CPSF6: variants seen among roughly 807,000 people sequenced by gnomAD.
CPSF6 encodes cleavage and polyadenylation specificity factor subunit 6.
A neutral mutation model predicts 56.7 loss-of-function variants in CPSF6; 10 were observed. The observed-to-expected ratio is 0.18, with a 90% CI of 0.11 to 0.30. CPSF6 has a LOEUF of 0.30. Among genes scored for constraint, CPSF6 ranks in the 10% least tolerant of loss-of-function variants. The probability of loss-of-function intolerance (pLI) is 1.00; values close to 1 mark genes in which losing one functional copy is unlikely to be tolerated. For missense variants in CPSF6, 419 were observed against 722.9 expected, an observed-to-expected ratio of 0.58 and a Z score of 4.82; for synonymous variants, 248 against 244.8, an observed-to-expected ratio of 1.01 and a Z score of -0.12.
intron 8 of CPSF6, among the ~76,000 whole-genome samples, chr12:69,261,621 A>G (rs1056090988): frequency 1.3e-5 from 2 of 150,532 alleles, no homozygotes; most frequent in African/African-American, 2.5e-5. Flanking sequence ...TTTAGCACCT[A>G]ATGTTTGCTA....
At chr12:69,267,000 A>G (rs1873021165) in intron 9 of CPSF6, among the ~76,000 whole-genome samples, 2 of 152,080 alleles carry the variant, frequency 1.3e-5, no homozygotes, top group Admixed American at 6.5e-5. Context: ...TTGATTTTAG[A>G]GTTAACTCAT....
chr12:69,266,523 G>A (rs1009205588), intron 9 of CPSF6, among the ~76,000 whole-genome samples: 5 of 152,158 alleles, frequency 3.3e-5, no homozygotes, highest in Non-Finnish European at 1.5e-5. Flanking sequence ...CGTCATCTCA[G>A]TGTTAAATTT....
Position 69,239,610 on chromosome 12 carries a change from A to AGGAGGC in CPSF6, c.-35_-34insAGGCGG. On this transcript the variant is annotated 5_prime_UTR_variant, in exon 1 of 10. Transcript: ENST00000435070. ...CTGCCGCGGCGGGCAGACCTGCAGG[A>AGGAGGC]GGCGGCGGCGGCGGCGGCGGCCGAG... 6.8e-7 allele frequency: 1 copy of AGGAGGC among 1,472,204 alleles called. No individual in the cohort carries two copies. The highest frequency in any genetic ancestry group is 9.1e-7 in the Non-Finnish European group (1 of 1,094,876). 91.2% of individuals were successfully genotyped at this position (1,472,204 alleles called of 1,614,324 possible). A position where few individuals can be genotyped will look rare whatever the true frequency, so the allele number is the denominator to read the frequency against.
At chr12:69,256,930 A>G in intron 4 of CPSF6, 88 bp downstream of exon 4, 1 of 1,072,662 alleles carries the variant, frequency 9.3e-7, no homozygotes, top group South Asian at 1.6e-5. Flanking sequence ...TCATCTTAAT[A>G]CTAGCTCACT....
intron 3 of CPSF6, chr12:69,255,198 T>A (rs1872448295): frequency 6.6e-6 from 1 of 152,264 alleles, no homozygotes; most frequent in Admixed American, 6.5e-5. Context: ...GGTTCATCCA[T>A]GTTGAAGCAT....
At chr12:69,255,649 C>T (rs1438748615) in intron 3 of CPSF6, among the ~76,000 whole-genome samples, 2 of 152,198 alleles carry the variant, frequency 1.3e-5, no homozygotes, top group Non-Finnish European at 2.9e-5. Flanking sequence ...TCAAGCGATT[C>T]TCCTGTCTCA....
At chr12:69,263,142 T>G (rs1872822485) in intron 9 of CPSF6, among the ~76,000 whole-genome samples, 1 of 152,052 alleles carries the variant, frequency 6.6e-6, no homozygotes, top group Non-Finnish European at 1.5e-5. Context: ...GCTTTTTGTT[T>G]TTAAAAGAAA....
rs368947823 is a variant in CPSF6, at chr12:69,269,843, AGTTT to A, written c.*339_*342del. The A allele has an allele frequency of 7.0e-5, 13 of 184,760 alleles. No homozygotes were observed. Among genetic ancestry groups the A allele is most frequent in the African/African-American group, 2.9e-4 (12 of 41,808 alleles). The allele number at this position is 184,760 out of a possible 1,614,324, so 11.4% of individuals were successfully genotyped here. On this transcript the variant is annotated 3_prime_UTR_variant, in exon 10 of 10. Transcript: ENST00000435070. ...TCAAGTAAATGCTTGTTTTTGTAGTAGTTTGTTCTTGTTAAAAATGTTTATATGA... is the reference window on the plus strand; with the variant it reads ...TCAAGTAAATGCTTGTTTTTGTAGTAGTTCTTGTTAAAAATGTTTATATGA...
Position 69,258,635 on chromosome 12 carries a change from C to A in CPSF6, c.740C>A (p.Pro247His). ...PRPPLGPPGP[P>H]GPPGPPPPGQ... is the part of the protein sequence containing the mutation. ...CCACCCTTAGGTCCTCCAGGCCCAC[C>A]TGGTCCACCAGGTCCTCCACCTCCT... Residue 247 changes from proline (P) to histidine (H), a missense_variant, in exon 6 of 10, where the codon CCT becomes CAT. Physicochemically the swap from Pro to His is moderately conservative, Grantham distance 77. Around this residue, in one of 4 missense-constraint regions of CPSF6, gnomAD observed 211 missense variants for 296.0 expected, o/e 0.71. Transcript: ENST00000435070. This position sits in a 1 kb window ranked among gnomAD's most constrained non-coding sequence, Gnocchi z 4.2. 6.2e-7 allele frequency: 1 copy of A among 1,613,834 alleles called. No homozygotes were observed. Among genetic ancestry groups the A allele is most frequent in the African/African-American group, 1.3e-5 (1 of 74,974 alleles).
chr12:69,248,969 G>A (rs1055863989), intron 1 of CPSF6, among the ~76,000 whole-genome samples: 14 of 151,812 alleles, frequency 9.2e-5, no homozygotes, highest in African/African-American at 1.4e-4. Flanking sequence ...ATTCTCGGCC[G>A]GGTGTGGTGG....
At position 69,270,173 on chromosome 12, in the gene CPSF6, T is replaced by G. The variant is rs997529812; in HGVS notation, c.*665T>G. 1 of 152,216 alleles carries G rather than the reference T, an allele frequency of 6.6e-6. No homozygotes were observed. The highest frequency in any genetic ancestry group is 2.4e-5 in the African/African-American group (1 of 41,406). The allele number at this position is 152,216 out of a possible 1,614,324, so 9.4% of individuals were successfully genotyped here. Reference sequence around the variant, plus strand: ...TAGAATAGGTGATTACATGGATATTTAATATTTCTATATTCTGCTTTTCTA... The same window carrying G: ...TAGAATAGGTGATTACATGGATATTGAATATTTCTATATTCTGCTTTTCTA... On this transcript the variant is annotated 3_prime_UTR_variant, in exon 10 of 10. Coordinates refer to ENST00000435070, the MANE Select transcript of CPSF6 (RefSeq NM_007007.3).
At position 69,253,119 on chromosome 12, in the gene CPSF6, AT is replaced by A; in HGVS notation, c.345del (p.Phe115LeufsTer26). On this transcript the variant is annotated frameshift_variant, in exon 3 of 10. Transcript: ENST00000435070. LOFTEE classifies it high-confidence loss of function. The part of the protein sequence containing the change: ...LGVNDILEIK[F>X]FENRANGQSK... ...GAGTAAATGATATTTTGGAGATAAA[AT>A]TTTTTGAAAATCGGGCAAATGGCCA... 1 of 1,602,170 alleles carries A rather than the reference AT, an allele frequency of 6.2e-7. No individual in the cohort carries two copies. Among genetic ancestry groups the A allele is most frequent in the South Asian group, 1.1e-5 (1 of 87,776 alleles).
In CPSF6 at chr12:69,269,914, G is replaced by A. The variant is rs1455775427; in HGVS notation, c.*406G>A. On this transcript the variant is annotated 3_prime_UTR_variant, in exon 10 of 10. Coordinates refer to ENST00000435070, the MANE Select transcript of CPSF6 (RefSeq NM_007007.3). ...CATCACTTTGATTACAATAGATGTA[G>A]TGTTGTAATAAACTGTTTAATGGGG... 6.1e-6 allele frequency: 1 copy of A among 163,612 alleles called. No individual in the cohort carries two copies. The highest frequency in any genetic ancestry group is 1.3e-5 in the Non-Finnish European group (1 of 74,958). 10.1% of individuals were successfully genotyped at this position (163,612 alleles called of 1,614,324 possible).
Position 69,239,607 on chromosome 12 carries a change from A to AGGAGGCGGCGGC in CPSF6, c.-37_-26dup. ...CTGCTGCCGCGGCGGGCAGACCTGC[A>AGGAGGCGGCGGC]GGAGGCGGCGGCGGCGGCGGCGGCC... On this transcript the variant is annotated 5_prime_UTR_variant, in exon 1 of 10. Coordinates refer to ENST00000435070, the MANE Select transcript of CPSF6 (RefSeq NM_007007.3). 1.3e-6 allele frequency: 2 copies of AGGAGGCGGCGGC among 1,537,264 alleles called. No homozygotes were observed. Among genetic ancestry groups the AGGAGGCGGCGGC allele is most frequent in the Non-Finnish European group, 1.7e-6 (2 of 1,144,882 alleles).
chr12:69,257,923 T>C lies in CPSF6; in HGVS notation c.694+18T>C. ...TTTTCCAGGTAAAACTTTTCTTAAATTACCATGGATAAAACATGTCTACCT... is the reference window on the plus strand; with the variant it reads ...TTTTCCAGGTAAAACTTTTCTTAAACTACCATGGATAAAACATGTCTACCT... On this transcript the variant is annotated intron_variant, in intron 5 of 9. Coordinates refer to ENST00000435070, the MANE Select transcript of CPSF6 (RefSeq NM_007007.3). The C allele has an allele frequency of 6.3e-7, 1 of 1,589,256 alleles. No homozygotes were observed. Among genetic ancestry groups the C allele is most frequent in the Non-Finnish European group, 8.5e-7 (1 of 1,170,286 alleles).
chr12:69,268,913 G>A (rs1482190064), intron 9 of CPSF6, among the ~76,000 whole-genome samples: 2 of 151,608 alleles, frequency 1.3e-5, no homozygotes, highest in East Asian at 1.9e-4. Flanking sequence ...TTTGTATTAC[G>A]TCTAAAGATT....
chr12:69,258,837 G>A lies in CPSF6; in HGVS notation c.942G>A (p.Gln314=), dbSNP rs1872622497. 1 of 1,613,586 alleles carries A rather than the reference G, an allele frequency of 6.2e-7. No homozygotes were observed. Among genetic ancestry groups the A allele is most frequent in the African/African-American group, 1.3e-5 (1 of 74,776 alleles). Residue 314 remains glutamine (Q), a synonymous_variant, in exon 6 of 10, where the codon CAG becomes CAA. Transcript: ENST00000435070. The surrounding 1 kb of genome is among the most constrained non-coding windows in gnomAD (Gnocchi z 4.2). ...GPPPGPPPPQ[Q]GPPPPPGPFP... is the part of the protein sequence containing the mutation. Reference sequence around the variant, plus strand: ...CTCCTGGCCCACCACCTCCACAACAGGGACCACCTCCACCTCCAGGCCCCT... The same window carrying A: ...CTCCTGGCCCACCACCTCCACAACAAGGACCACCTCCACCTCCAGGCCCCT...
rs1326721997 is a variant in CPSF6 at position 69,270,707 on chromosome 12, TAATC to T, written c.*1202_*1205del. 1.3e-5 allele frequency: 2 copies of T among 151,730 alleles called. No homozygotes were observed. The highest frequency in any genetic ancestry group is 3.0e-5 in the Non-Finnish European group (2 of 67,664). The allele number at this position is 151,730 out of a possible 1,614,324, so 9.4% of individuals were successfully genotyped here. The stretch of plus-strand genomic sequence containing the variant: ...CGTATTGATTCATGCTATAGTTACT[TAATC>T]AAAGATTTTTTTCAAACCTGCCTTA... On this transcript the variant is annotated 3_prime_UTR_variant, in exon 10 of 10. Transcript: ENST00000435070.
chr12:69,262,749 C>G (rs1367398210), intron 9 of CPSF6, among the ~76,000 whole-genome samples, 187 bp downstream of exon 9: 1 of 152,134 alleles, frequency 6.6e-6, no homozygotes, highest in Non-Finnish European at 1.5e-5. Context: ...GACCCTTTAT[C>G]TTATGAATAT....
Sources: allele counts gnomAD v4.1 joint callset (sites outside exome capture counted in the v4.1 genomes callset), GRCh38; gene constraint gnomAD v4.1.1; regional missense constraint gnomAD v4.1.1; non-coding constraint Gnocchi (gnomAD v3.1); transcripts MANE v1.5; gene names NCBI Gene and HGNC (gene_info 2026-07-23, HGNC 2026-07-21).